PDE2A: variants seen among roughly 807,000 people sequenced by gnomAD.
PDE2A encodes phosphodiesterase 2A, also known as cGMP-dependent 3',5'-cyclic phosphodiesterase.
In PDE2A, 53 loss-of-function variants were observed where a neutral mutation model predicts 133.6. The observed-to-expected ratio is 0.40, with a 90% CI of 0.32 to 0.50. The LOEUF is 0.50. PDE2A is among the 20% of genes least tolerant of loss of function. The pLI, the probability that PDE2A is intolerant of heterozygous loss-of-function variation, is 0.73. For missense variants in PDE2A, 796 were observed against 1,232.4 expected (o/e 0.65, Z 5.30); for synonymous variants, 491 against 490.2 (o/e 1.00, Z -0.02).
chr11:72,651,492 T>TG (rs1399758680), intron 1 of PDE2A, among the ~76,000 whole-genome samples: 1 of 152,064 alleles, frequency 6.6e-6, no homozygotes, highest in East Asian at 1.9e-4. Context: ...GGCCAGGGTC[T>TG]GGGGGGGTGA....
chr11:72,626,035 T>A (rs676911), intron 2 of PDE2A, among the ~76,000 whole-genome samples: 101,645 of 152,232 alleles, frequency 0.67, 34,336 homozygotes, highest in Middle Eastern at 0.79. Flanking sequence ...TGCGCCTCTA[T>A]GCCAGCTCCT....
At chr11:72,585,199 T>C (rs1855909928) in intron 16 of PDE2A, 172 bp downstream of exon 16, 2 of 682,668 alleles carry the variant, frequency 2.9e-6, no homozygotes, top group Non-Finnish European at 5.2e-6. Context: ...GTCCCTGCTG[T>C]ATTGGAGCCT....
chr11:72,626,742 T>G lies in PDE2A; in HGVS notation c.144+15512A>C, dbSNP rs558732953. Among the ~76,000 whole-genome samples the G allele has an allele frequency of 3.9e-5, 6 of 152,310 alleles. No individual in the cohort carries two copies. In the East Asian group the frequency reaches 1.2e-3, roughly 29 times the overall value. On this transcript the variant is annotated intron_variant, in intron 2 of 30. Coordinates refer to ENST00000334456, the MANE Select transcript of PDE2A (RefSeq NM_002599.5). The stretch of plus-strand genomic sequence containing the variant: ...CAACCTGGCTCCCGCCCCTGCCTAG[T>G]GCTACCCCCGCAGCTGGGCCCACAT...
At chr11:72,649,019 C>A (rs1854647082) in intron 1 of PDE2A, among the ~76,000 whole-genome samples, 1 of 152,150 alleles carries the variant, frequency 6.6e-6, no homozygotes, top group Non-Finnish European at 1.5e-5. Flanking sequence ...TCTGCCTCAC[C>A]CCCACCCATA....
intron 21 of PDE2A, 168 bp downstream of exon 21, chr11:72,582,276 G>T: frequency 1.4e-6 from 1 of 690,500 alleles, no homozygotes; most frequent in East Asian, 2.7e-5. Flanking sequence ...CCCTGGGCAG[G>T]CCCTATGGCT....
chr11:72,609,005 T>C (rs1410067878), intron 2 of PDE2A, among the ~76,000 whole-genome samples: 1 of 152,124 alleles, frequency 6.6e-6, no homozygotes, highest in Non-Finnish European at 1.5e-5. Context: ...TCATAGTGAG[T>C]CAACAGGTCA....
intron 2 of PDE2A, chr11:72,615,218 A>G (rs1857407099): frequency 2.7e-6 from 1 of 366,478 alleles, no homozygotes; most frequent in Non-Finnish European, 6.4e-6. Flanking sequence ...AGCGCCCACA[A>G]CCAGCTCCGC....
intron 1 of PDE2A, among the ~76,000 whole-genome samples, chr11:72,655,194 C>T (rs944244927): frequency 5.3e-5 from 8 of 152,210 alleles, no homozygotes; most frequent in African/African-American, 1.9e-4. Flanking sequence ...CCCAGAACAT[C>T]GACCCGTGGC....
chr11:72,579,630 G>A (rs752394714), intron 25 of PDE2A, 22 bp from the exon 26 acceptor site: 4 of 1,567,250 alleles, frequency 2.6e-6, no homozygotes, highest in Non-Finnish European at 3.5e-6. Context: ...GGAGTGATGG[G>A]GGCCCAGCTG....
chr11:72,589,384 G>A, intron 11 of PDE2A, 144 bp from the exon 12 acceptor site: 1 of 678,366 alleles, frequency 1.5e-6, no homozygotes, highest in Non-Finnish European at 2.6e-6. Flanking sequence ...GATGAGCAGA[G>A]ATGGAGGGGA....
intron 2 of PDE2A, among the ~76,000 whole-genome samples, chr11:72,636,427 C>T (rs1401613497): frequency 2.6e-5 from 4 of 152,186 alleles, no homozygotes; most frequent in African/African-American, 9.7e-5. Context: ...ACACCCTTTG[C>T]CCAGGGCAGA....
At chr11:72,626,034 A>G (rs1484584615) in intron 2 of PDE2A, among the ~76,000 whole-genome samples, 1 of 152,246 alleles carries the variant, frequency 6.6e-6, no homozygotes, top group African/African-American at 2.4e-5. Flanking sequence ...CTGCGCCTCT[A>G]TGCCAGCTCC....
intron 1 of PDE2A, among the ~76,000 whole-genome samples, chr11:72,651,346 AC>A (rs1351831510): frequency 6.6e-6 from 1 of 152,144 alleles, no homozygotes; most frequent in Non-Finnish European, 1.5e-5. Flanking sequence ...AGGGGAGGGC[AC>A]AGCAGCAAGC....
At chr11:72,583,381 TG>T in intron 20 of PDE2A, 56 bp downstream of exon 20, 1 of 1,208,534 alleles carries the variant, frequency 8.3e-7, no homozygotes, top group Non-Finnish European at 1.2e-6. Context: ...AAGCCCTGCC[TG>T]GCCCTGGGTC....
intron 3 of PDE2A, among the ~76,000 whole-genome samples, chr11:72,605,569 G>T (rs1351637027): frequency 6.6e-6 from 1 of 152,180 alleles, no homozygotes; most frequent in Non-Finnish European, 1.5e-5. Context: ...ATATTTCCCT[G>T]CCTGACTCCA....
chr11:72,589,878 C>G (rs1856155610), intron 10 of PDE2A, 29 bp downstream of exon 10: 1 of 1,610,276 alleles, frequency 6.2e-7, no homozygotes, highest in African/African-American at 1.3e-5. Context: ...CAGCCCCGCC[C>G]CCGCTCTACA....
intron 4 of PDE2A, among the ~76,000 whole-genome samples, chr11:72,601,895 T>C (rs1262597915): frequency 6.6e-6 from 1 of 152,070 alleles, no homozygotes; most frequent in Non-Finnish European, 1.5e-5. Flanking sequence ...CAGAAGGGCA[T>C]ATGGAGGCCC....
chr11:72,604,275 A>C (rs558778476), intron 4 of PDE2A, among the ~76,000 whole-genome samples: 25 of 152,302 alleles, frequency 1.6e-4, no homozygotes, highest in African/African-American at 6.0e-4. Flanking sequence ...CTTTCCCCTA[A>C]ACAGCCAGGA....
chr11:72,622,205 GA>G (rs1410316204), intron 2 of PDE2A, among the ~76,000 whole-genome samples: 1 of 152,042 alleles, frequency 6.6e-6, no homozygotes, highest in East Asian at 1.9e-4. Flanking sequence ...AAAAAGAACA[GA>G]AAATAACACA....
Sources: allele counts gnomAD v4.1 joint callset (sites outside exome capture counted in the v4.1 genomes callset), GRCh38; gene constraint gnomAD v4.1.1; transcripts MANE v1.5; gene names NCBI Gene and HGNC (gene_info 2026-07-23, HGNC 2026-07-21).